The following PARD3 variants were observed in gnomAD, a reference collection of about 807,000 sequenced individuals.
PARD3 encodes the protein par-3 family cell polarity regulator.
Under a neutral mutation model 155.4 loss-of-function variants are expected in PARD3, and 75 were observed. The observed-to-expected ratio is 0.48, with a 90% CI of 0.40 to 0.58. The LOEUF (loss-of-function observed/expected upper bound fraction) is 0.58, where lower values mean the gene tolerates loss of function less well. PARD3 is among the 20% of genes least tolerant of loss of function. The probability of loss-of-function intolerance (pLI) is 0.00; values close to 1 mark genes in which losing one functional copy is unlikely to be tolerated. For synonymous variants in PARD3, 576 were observed against 610.5 expected, an observed-to-expected ratio of 0.94 and a Z score of 0.83; for missense variants, 1,642 against 1,721.7, an observed-to-expected ratio of 0.95 and a Z score of 0.82.
Position 34,450,523 on chromosome 10 carries a change from A to G in PARD3, c.583-75T>C, listed in dbSNP as rs571057773. On this transcript the variant is annotated intron_variant, in intron 4 of 24. Coordinates refer to ENST00000374788, the MANE Select transcript of PARD3 (RefSeq NM_001184785.2). ...AATCAGTAATGCACCTGGTTTTTCA[A>G]AAGTAGCAGAAAAATGATTCTACAT... 7 of 1,334,892 alleles carry G rather than the reference A, an allele frequency of 5.2e-6. No homozygotes were observed. In the African/African-American group the frequency reaches 1.0e-4, roughly 20 times the overall value. 82.7% of individuals were successfully genotyped at this position (1,334,892 alleles called of 1,614,324 possible).
At chr10:34,519,024 T>C (rs2081963425) in intron 2 of PARD3, among the ~76,000 whole-genome samples, 1 of 152,162 alleles carries the variant, frequency 6.6e-6, no homozygotes, top group Non-Finnish European at 1.5e-5. Flanking sequence ...CAAAAATGTA[T>C]AACGTCCATC....
chr10:34,373,386 T>C (rs10827359), intron 11 of PARD3, among the ~76,000 whole-genome samples: 6,084 of 152,108 alleles, frequency 0.04, 400 homozygotes, highest in African/African-American at 0.14. Flanking sequence ...AACCTTAAGC[T>C]GGCTATATGC....
chr10:34,449,890 A>G (rs2076966921), intron 5 of PARD3, among the ~76,000 whole-genome samples: 1 of 152,206 alleles, frequency 6.6e-6, no homozygotes, highest in African/African-American at 2.4e-5. Context: ...TTCTAAAACA[A>G]CACCATAGGA....
intron 22 of PARD3, among the ~76,000 whole-genome samples, chr10:34,254,902 G>A (rs1052474614): frequency 3.9e-5 from 6 of 152,014 alleles, no homozygotes; most frequent in African/African-American, 1.4e-4. Flanking sequence ...CAAGAACTCT[G>A]GGCTTGTGCA....
chr10:34,155,371 T>A (rs1315668019), intron 22 of PARD3, among the ~76,000 whole-genome samples: 1 of 152,130 alleles, frequency 6.6e-6, no homozygotes, highest in Non-Finnish European at 1.5e-5. Context: ...ATCACTCAGA[T>A]AACAAGAATA....
At chr10:34,225,687 G>A (rs999897627) in intron 22 of PARD3, among the ~76,000 whole-genome samples, 3 of 152,036 alleles carry the variant, frequency 2.0e-5, no homozygotes, top group African/African-American at 7.2e-5. Context: ...ATACACATGC[G>A]AGCAAGATAA....
intron 1 of PARD3, among the ~76,000 whole-genome samples, chr10:34,784,967 C>A (rs1840760699): frequency 6.6e-6 from 1 of 152,170 alleles, no homozygotes; most frequent in African/African-American, 2.4e-5. Flanking sequence ...GAAATCTCAT[C>A]ACTAAGTTTC....
chr10:34,131,532 T>A lies in PARD3; in HGVS notation c.3471A>T (p.Glu1157Asp), dbSNP rs1220623189. Residue 1157 changes from glutamate (E) to aspartate (D), a missense_variant, in exon 23 of 25, where the codon GAA becomes GAT. Coordinates refer to ENST00000374788, the MANE Select transcript of PARD3 (RefSeq NM_001184785.2). ...NHDRIQRLRQ[E>D]FQQAKQDEDV... is the part of the protein sequence containing the mutation. ...CTTCATCTTGCTTTGCTTGCTGAAATTCTTGCCTCAGACGCTGTATCCGAT... is the reference window on the plus strand; with the variant it reads ...CTTCATCTTGCTTTGCTTGCTGAAAATCTTGCCTCAGACGCTGTATCCGAT... 6.2e-7 allele frequency: 1 copy of A among 1,614,044 alleles called. No homozygotes were observed.
intron 1 of PARD3, among the ~76,000 whole-genome samples, chr10:34,773,689 T>C (rs932655564): frequency 3.9e-5 from 6 of 152,204 alleles, no homozygotes; most frequent in African/African-American, 1.4e-4. Flanking sequence ...CTTTTGAGTC[T>C]CTGAAGACTA....
chr10:34,413,162 C>T (rs919060083), intron 5 of PARD3, among the ~76,000 whole-genome samples: 10 of 151,584 alleles, frequency 6.6e-5, no homozygotes. Context: ...CACACACACA[C>T]ACACACACAC....
chr10:34,696,310 G>A lies in PARD3; in HGVS notation c.222+8C>T, dbSNP rs368786916. ...ATTCAGAACAGGTTCCCCAGGACCT[G>A]AACTCACTCTGTCTTTATCGTCTGC... is the stretch of plus-strand genomic sequence containing the variant. On this transcript the variant is annotated splice_region_variant and intron_variant, in intron 2 of 24. Transcript: ENST00000374788. 1.3e-6 allele frequency: 2 copies of A among 1,553,722 alleles called. No homozygotes were observed. Among genetic ancestry groups the A allele is most frequent in the East Asian group, 2.2e-5 (1 of 44,550 alleles).
intron 2 of PARD3, among the ~76,000 whole-genome samples, chr10:34,626,327 T>C (rs1415652225): frequency 1.3e-5 from 2 of 152,210 alleles, no homozygotes; most frequent in Non-Finnish European, 2.9e-5. Flanking sequence ...TCACTGTCCC[T>C]GTGTGTGTAC....
chr10:34,683,371 T>A (rs2093882984), intron 2 of PARD3, among the ~76,000 whole-genome samples: 1 of 151,882 alleles, frequency 6.6e-6, no homozygotes, highest in South Asian at 2.1e-4. Flanking sequence ...ACTACACATG[T>A]ATCTCCTGAA....
chr10:34,630,497 G>A (rs2092215208), intron 2 of PARD3, among the ~76,000 whole-genome samples: 4 of 149,320 alleles, frequency 2.7e-5, no homozygotes, highest in South Asian at 4.2e-4. Flanking sequence ...TACACAGGCT[G>A]GAGTGCAGTG....
intron 2 of PARD3, among the ~76,000 whole-genome samples, chr10:34,651,011 C>CAAAAAAAAAAAAAAAAAA (rs60113552): frequency 4.5e-5 from 2 of 44,546 alleles, no homozygotes; most frequent in African/African-American, 1.8e-4. Flanking sequence ...AACTCTGTCT[C>CAAAAAAAAAAAAAAAAAA]AAAAAAAAAA....
chr10:34,683,501 T>G (rs1319773102), intron 2 of PARD3, among the ~76,000 whole-genome samples: 1 of 149,984 alleles, frequency 6.7e-6, no homozygotes, highest in Non-Finnish European at 1.5e-5. Flanking sequence ...AAGCCGGGAT[T>G]CAAATGCAGG....
intron 2 of PARD3, among the ~76,000 whole-genome samples, chr10:34,652,827 TAAG>T (rs2093052686): frequency 6.6e-6 from 1 of 152,192 alleles, no homozygotes; most frequent in Non-Finnish European, 1.5e-5. Flanking sequence ...TCTTTAGTTA[TAAG>T]AAGGAGCTTA....
chr10:34,451,222 A>T lies in PARD3; in HGVS notation c.583-774T>A, dbSNP rs570296854. The stretch of plus-strand genomic sequence containing the variant: ...CTTATGAGCTGTAAAACCTCATTTC[A>T]ATGTTCTGAAAAGAAATGAGAAAGC... On this transcript the variant is annotated intron_variant, in intron 4 of 24. Transcript: ENST00000374788. Among the ~76,000 whole-genome samples the T allele has an allele frequency of 3.0e-4, 46 of 152,340 alleles. No homozygotes were observed. The South Asian group carries it at 9.5e-3, about 32-fold the overall frequency.
chr10:34,613,089 C>T (rs1235207580), intron 2 of PARD3, among the ~76,000 whole-genome samples: 1 of 152,126 alleles, frequency 6.6e-6, no homozygotes, highest in African/African-American at 2.4e-5. Context: ...TACAAAGTAA[C>T]CCTTTTTTCC....
Sources: allele counts gnomAD v4.1 joint callset (sites outside exome capture counted in the v4.1 genomes callset), GRCh38; gene constraint gnomAD v4.1.1; transcripts MANE v1.5; gene names NCBI Gene and HGNC (gene_info 2026-07-23, HGNC 2026-07-21).